BPTF: variants seen among roughly 807,000 people sequenced by gnomAD.
The protein encoded by BPTF is bromodomain PHD finger transcription factor, also known as nucleosome-remodeling factor subunit BPTF.
A neutral mutation model predicts 292.5 loss-of-function variants in BPTF; 18 were observed. The observed-to-expected ratio is 0.06, with a 90% CI of 0.04 to 0.09. BPTF has a LOEUF of 0.09. Ranked by LOEUF, BPTF falls within the 10% of genes least tolerant of loss-of-function variation. BPTF has a pLI of 1.00. For missense variants in BPTF, 2,726 were observed against 3,498.7 expected, an observed-to-expected ratio of 0.78 and a Z score of 5.57; for synonymous variants, 1,225 against 1,251.9, an observed-to-expected ratio of 0.98 and a Z score of 0.45.
Position 67,923,471 on chromosome 17 carries a change from C to CTTT in BPTF, c.5708+508_5708+510dup, listed in dbSNP as rs58462646. ...GTTTAGTAAGGTCCTCTCTCTCTGT[C>CTTT]TTTTTTTTTTTTTTTTTTTTTTTTT... On this transcript the variant is annotated intron_variant, in intron 14 of 27. Coordinates refer to ENST00000306378, the MANE Select transcript of BPTF (RefSeq NM_182641.4). Among the ~76,000 whole-genome samples the CTTT allele has an allele frequency of 1.2e-3, 82 of 67,520 alleles. 12 individuals carry two copies. The highest frequency in any genetic ancestry group is 2.0e-3 in the African/African-American group (34 of 17,030). 44.3% of individuals were successfully genotyped at this position (67,520 alleles called of 152,430 possible).
chr17:67,953,739 C>A (rs1234521261), intron 23 of BPTF, among the ~76,000 whole-genome samples: 1 of 151,290 alleles, frequency 6.6e-6, no homozygotes, highest in Non-Finnish European at 1.5e-5. Flanking sequence ...CCATGCCCAG[C>A]TAATTTTTTT....
chr17:67,919,515 G>T (rs1176980198), intron 12 of BPTF, among the ~76,000 whole-genome samples: 1 of 152,046 alleles, frequency 6.6e-6, no homozygotes, highest in Non-Finnish European at 1.5e-5. Context: ...TTCCAGTCTG[G>T]ATAACAGAGC....
chr17:67,976,703 A>T (rs1238254133), intron 27 of BPTF, among the ~76,000 whole-genome samples: 3 of 139,432 alleles, frequency 2.2e-5, no homozygotes, highest in Non-Finnish European at 4.7e-5. Flanking sequence ...AAAAAAAAAA[A>T]AAAAAAAAAA....
chr17:67,861,811 G>T (rs1055860327), intron 2 of BPTF, among the ~76,000 whole-genome samples: 2 of 152,080 alleles, frequency 1.3e-5, no homozygotes, highest in African/African-American at 4.8e-5. Flanking sequence ...GCAAACCAAA[G>T]CACCTAAAAA....
chr17:67,940,059 T>G, intron 18 of BPTF, among the ~76,000 whole-genome samples: 1 of 142,872 alleles, frequency 7.0e-6, no homozygotes, highest in Non-Finnish European at 1.5e-5. Context: ...ATGAATTAAT[T>G]TTTTATTAAA....
At position 67,912,666 on chromosome 17, in the gene BPTF, A is replaced by G. The variant is rs138779341; in HGVS notation, c.4782A>G (p.Thr1594=). The G allele has an allele frequency of 1.1e-4, 179 of 1,614,070 alleles. No homozygotes were observed. The African/African-American group carries it at 1.9e-3, about 18-fold the overall frequency. ...VITEVTTMTS[T]VATESKTVIK... ...CAGAAGTCACCACGATGACCTCCAC[A>G]GTGGCCACAGAATCAAAAACTGTGA... The change falls in exon 11 of 28, where the codon ACA becomes ACG. Residue 1594 remains threonine (T), a synonymous_variant. Coordinates refer to ENST00000306378, the MANE Select transcript of BPTF (RefSeq NM_182641.4).
chr17:67,845,284 A>G lies in BPTF; in HGVS notation c.614-8656A>G, dbSNP rs1457488338. 1.4e-4 allele frequency among the ~76,000 whole-genome samples: 21 copies of G among 152,106 alleles called. 1 individual carries two copies. The highest frequency in any genetic ancestry group is 1.4e-3 in the Admixed American group (21 of 15,270). On this transcript the variant is annotated intron_variant, in intron 1 of 27. Transcript: ENST00000306378. ...TTTGAGAATATCCTATTGCCCAACA[A>G]CCTTTCACCCAGTAGTTTTAGGATC...
intron 3 of BPTF, among the ~76,000 whole-genome samples, chr17:67,870,111 C>G (rs2059633231): frequency 6.6e-6 from 1 of 151,578 alleles, no homozygotes; most frequent in African/African-American, 2.4e-5. Flanking sequence ...AGTTAGATGA[C>G]TAAAATTTGT....
chr17:67,854,607 C>T lies in BPTF; in HGVS notation c.1281C>T (p.Asp427=), dbSNP rs372829722. 65 of 1,614,128 alleles carry T rather than the reference C, an allele frequency of 4.0e-5. No individual in the cohort carries two copies. Among genetic ancestry groups the T allele is most frequent in the South Asian group, 1.3e-4 (12 of 91,076 alleles). ...CACCTCTTGAGGAGGTGCCAGAGGA[C>T]GAGTGGCAGTGTGAAGTCTGTGTAG... is the stretch of plus-strand genomic sequence containing the variant. ...VKPPLEEVPE[D]EWQCEVCVAH... is the part of the protein sequence containing the mutation. Residue 427 remains aspartate, a synonymous_variant, in exon 2 of 28, where the codon GAC becomes GAT. Coordinates refer to ENST00000306378, the MANE Select transcript of BPTF (RefSeq NM_182641.4). This position sits in a 1 kb window ranked among gnomAD's most constrained non-coding sequence, Gnocchi z 5.6.
chr17:67,921,061 C>T (rs1190913894), intron 13 of BPTF, among the ~76,000 whole-genome samples: 1 of 150,842 alleles, frequency 6.6e-6, no homozygotes, highest in African/African-American at 2.4e-5. Context: ...ACAAAAATTA[C>T]AAAAATATTG....
intron 18 of BPTF, among the ~76,000 whole-genome samples, chr17:67,935,311 C>T (rs1454686533): frequency 2.6e-5 from 4 of 152,050 alleles, no homozygotes; most frequent in African/African-American, 7.2e-5. Context: ...CCTGTGGTTT[C>T]AGCCACTTGG....
chr17:67,867,774 A>G (rs1284121056), intron 3 of BPTF, among the ~76,000 whole-genome samples: 2 of 152,112 alleles, frequency 1.3e-5, no homozygotes, highest in Non-Finnish European at 2.9e-5. Context: ...TGCAATTCTC[A>G]TCTTCTTATC....
chr17:67,850,859 C>G (rs1014964966), intron 1 of BPTF, among the ~76,000 whole-genome samples: 1 of 152,122 alleles, frequency 6.6e-6, no homozygotes, highest in African/African-American at 2.4e-5. Context: ...CTGCATTGTT[C>G]TGTGTGGGAA....
intron 1 of BPTF, among the ~76,000 whole-genome samples, chr17:67,847,240 C>T (rs575671200): frequency 6.6e-6 from 1 of 152,094 alleles, no homozygotes; most frequent in Non-Finnish European, 1.5e-5. Context: ...CTAGGCCAGG[C>T]GTGTTAGCTC....
chr17:67,875,730 C>T lies in BPTF; in HGVS notation c.1864+710C>T, dbSNP rs1340238157. 1 of 1,594,148 alleles carries T rather than the reference C, an allele frequency of 6.3e-7. No homozygotes were observed. Among genetic ancestry groups the T allele is most frequent in the Non-Finnish European group, 8.5e-7 (1 of 1,170,392 alleles). ...GAGAAGAAGGTGGCATCTGAGCTCC[C>T]CCAGGATGTGCCAGGTACAGAGGGC... On this transcript the variant is annotated intron_variant, in intron 4 of 27. Transcript: ENST00000306378.
chr17:67,964,146 A>G, intron 24 of BPTF, 66 bp from the exon 25 acceptor site: 2 of 1,503,124 alleles, frequency 1.3e-6, no homozygotes, highest in Admixed American at 3.8e-5. Flanking sequence ...TTTCAGGTGC[A>G]TGCTTTATTA....
chr17:67,950,635 C>T (rs1476210430), intron 23 of BPTF, among the ~76,000 whole-genome samples: 1 of 151,646 alleles, frequency 6.6e-6, no homozygotes, highest in Non-Finnish European at 1.5e-5. Context: ...GTCAGGAGTT[C>T]GAGACCATCC....
chr17:67,984,341 T>C lies in BPTF; in HGVS notation c.*2053T>C, dbSNP rs1383542437. The stretch of plus-strand genomic sequence containing the variant: ...ATTCTTTTGTACGTAATAGGACATT[T>C]CATCCTAGAAAAATAAAGTAATGTT... On this transcript the variant is annotated 3_prime_UTR_variant, in exon 28 of 28. Transcript: ENST00000306378. 6.6e-6 allele frequency: 1 copy of C among 152,614 alleles called. No individual in the cohort carries two copies. Among genetic ancestry groups the C allele is most frequent in the Non-Finnish European group, 1.5e-5 (1 of 68,028 alleles). 9.5% of individuals were successfully genotyped at this position (152,614 alleles called of 1,614,324 possible).
chr17:67,905,407 CA>C (rs879321766), intron 9 of BPTF, among the ~76,000 whole-genome samples: 88 of 138,908 alleles, frequency 6.3e-4, no homozygotes, highest in Admixed American at 6.6e-4. Flanking sequence ...GACTCTGTCT[CA>C]AAAAAAAAAA....
Sources: gnomAD v4.1 joint callset for allele counts (sites outside exome capture counted in the v4.1 genomes callset) on GRCh38, gnomAD v4.1.1 for gene constraint, Gnocchi (gnomAD v3.1) non-coding constraint, MANE v1.5 for transcripts, NCBI Gene and HGNC (gene_info 2026-07-23, HGNC 2026-07-21) for gene names.